ESRRB: variants seen among roughly 807,000 people sequenced by gnomAD.
ESRRB encodes estrogen related receptor beta.
Under a neutral mutation model 46.0 loss-of-function variants are expected in ESRRB, and 16 were observed. That is an observed-to-expected ratio of 0.35 (90% CI 0.24 to 0.53). ESRRB has a LOEUF of 0.53. Among genes scored for constraint, ESRRB ranks in the 20% least tolerant of loss-of-function variants. The pLI, the probability that ESRRB is intolerant of heterozygous loss-of-function variation, is 0.93. For synonymous variants in ESRRB, 246 were observed against 259.6 expected (o/e 0.95, Z 0.50); for missense variants, 488 against 607.4 (o/e 0.80, Z 2.07).
At chr14:76,391,056 C>T (rs1295727379) in intron 1 of ESRRB, among the ~76,000 whole-genome samples, 2 of 152,222 alleles carry the variant, frequency 1.3e-5, no homozygotes, top group Non-Finnish European at 2.9e-5. Flanking sequence ...AAAGCAAGGG[C>T]TCCTCTGGCT....
At chr14:76,470,899 C>T (rs537726484) in intron 3 of ESRRB, among the ~76,000 whole-genome samples, 67 of 152,230 alleles carry the variant, frequency 4.4e-4, no homozygotes, top group Non-Finnish European at 9.4e-4. Context: ...GCTTATATTG[C>T]CCAGGCTGGT....
chr14:76,332,003 A>G (rs1235013991), intron 1 of ESRRB, among the ~76,000 whole-genome samples: 1 of 152,058 alleles, frequency 6.6e-6, no homozygotes, highest in Non-Finnish European at 1.5e-5. Flanking sequence ...CCATGGAGCC[A>G]GCTTTCTGTC....
intron 1 of ESRRB, among the ~76,000 whole-genome samples, chr14:76,381,334 C>A (rs937639577): frequency 6.6e-6 from 1 of 152,096 alleles, no homozygotes; most frequent in African/African-American, 2.4e-5. Flanking sequence ...CCTCACCGGG[C>A]CAGCCTGCCT....
intron 1 of ESRRB, among the ~76,000 whole-genome samples, chr14:76,426,660 A>G (rs1449603414): frequency 6.6e-6 from 1 of 152,144 alleles, no homozygotes; most frequent in Non-Finnish European, 1.5e-5. Flanking sequence ...CTCCTTGAGG[A>G]CAGGGACCCA....
intron 1 of ESRRB, among the ~76,000 whole-genome samples, chr14:76,391,849 A>G (rs1485856786): frequency 6.6e-6 from 1 of 152,132 alleles, no homozygotes; most frequent in Non-Finnish European, 1.5e-5. Context: ...TAGTTTTTCT[A>G]ATTCACAACA....
intron 3 of ESRRB, among the ~76,000 whole-genome samples, chr14:76,467,702 G>A (rs1276665188): frequency 6.6e-6 from 1 of 151,998 alleles, no homozygotes; most frequent in Non-Finnish European, 1.5e-5. Flanking sequence ...CTAGAATCAG[G>A]ATGGGCAGCT....
chr14:76,350,209 G>A (rs1425207812), intron 1 of ESRRB, among the ~76,000 whole-genome samples: 1 of 152,142 alleles, frequency 6.6e-6, no homozygotes, highest in African/African-American at 2.4e-5. Flanking sequence ...AAGCTGGGCT[G>A]GACAATCCAG....
intron 2 of ESRRB, among the ~76,000 whole-genome samples, chr14:76,448,911 G>C (rs1042992139): frequency 2.0e-5 from 3 of 150,590 alleles, no homozygotes; most frequent in Non-Finnish European, 2.9e-5. Flanking sequence ...TTTTTGAAAA[G>C]TTGTTTTTCT....
At chr14:76,341,771 C>T (rs1251214418) in intron 1 of ESRRB, among the ~76,000 whole-genome samples, 2 of 152,222 alleles carry the variant, frequency 1.3e-5, no homozygotes, top group Non-Finnish European at 1.5e-5. Context: ...AGTTGGTATT[C>T]TTTAAACTAC....
intron 1 of ESRRB, among the ~76,000 whole-genome samples, chr14:76,352,418 A>G (rs1595052398): frequency 6.6e-6 from 1 of 152,024 alleles, no homozygotes; most frequent in Admixed American, 6.5e-5. Context: ...TATCTACTCA[A>G]CTCTTCTGCA....
chr14:76,329,664 C>T (rs1883978978), intron 1 of ESRRB, among the ~76,000 whole-genome samples: 1 of 152,156 alleles, frequency 6.6e-6, no homozygotes, highest in Non-Finnish European at 1.5e-5. Context: ...CCCCACCACC[C>T]TTGTGGGCAC....
At chr14:76,417,944 C>CTT (rs869242837) in intron 1 of ESRRB, among the ~76,000 whole-genome samples, 1,868 of 91,222 alleles carry the variant, frequency 0.02, 43 homozygotes, top group African/African-American at 0.062. Flanking sequence ...CTTTTACATA[C>CTT]TTTTTTTTTT....
chr14:76,383,944 A>G (rs1242614547), intron 1 of ESRRB, among the ~76,000 whole-genome samples: 1 of 152,082 alleles, frequency 6.6e-6, no homozygotes, highest in Non-Finnish European at 1.5e-5. Context: ...ATGGGTGAGG[A>G]TATGAAGAAG....
At chr14:76,481,780 A>T (rs952525901) in intron 3 of ESRRB, among the ~76,000 whole-genome samples, 15 of 152,340 alleles carry the variant, frequency 9.8e-5, no homozygotes, top group Admixed American at 8.5e-4. Context: ...TTTCAGAAGG[A>T]TGCTGAATCC....
chr14:76,401,762 A>G (rs1226119940), intron 1 of ESRRB, among the ~76,000 whole-genome samples: 2 of 152,212 alleles, frequency 1.3e-5, no homozygotes, highest in Non-Finnish European at 2.9e-5. Flanking sequence ...ACACTCTATG[A>G]TGTTCACACA....
intron 3 of ESRRB, among the ~76,000 whole-genome samples, chr14:76,477,693 A>G (rs1029446348): frequency 6.6e-6 from 1 of 152,224 alleles, no homozygotes; most frequent in Non-Finnish European, 1.5e-5. Context: ...GAACAGACAC[A>G]TTTCACATCA....
At chr14:76,468,050 T>G (rs974729931) in intron 3 of ESRRB, among the ~76,000 whole-genome samples, 1 of 152,160 alleles carries the variant, frequency 6.6e-6, no homozygotes, top group Non-Finnish European at 1.5e-5. Flanking sequence ...GGAGGGCTCC[T>G]CCGGGGATTC....
At chr14:76,452,671 C>A (rs1888444417) in intron 2 of ESRRB, among the ~76,000 whole-genome samples, 1 of 147,732 alleles carries the variant, frequency 6.8e-6, no homozygotes, top group South Asian at 2.2e-4. Context: ...AAGGTGGATT[C>A]ATTATTAAAA....
At chr14:76,429,351 AGT>A (rs1444708803) in intron 1 of ESRRB, among the ~76,000 whole-genome samples, 1 of 152,204 alleles carries the variant, frequency 6.6e-6, no homozygotes, top group Non-Finnish European at 1.5e-5. Context: ...GCTGTGCTGA[AGT>A]GTGTGTCCAG....
Sources: allele counts gnomAD v4.1 joint callset (sites outside exome capture counted in the v4.1 genomes callset), GRCh38; gene constraint gnomAD v4.1.1; transcripts MANE v1.5; gene names NCBI Gene and HGNC (gene_info 2026-07-23, HGNC 2026-07-21).